Variants in XKR4 observed in about 807,000 individuals in gnomAD.
XKR4 encodes XK-related protein 4.
In XKR4, 12 loss-of-function variants were observed where a neutral mutation model predicts 53.9. The ratio of observed to expected loss-of-function variants is 0.22; its 90% confidence interval spans 0.14 to 0.36. The LOEUF is 0.36. Among genes scored for constraint, XKR4 ranks in the 10% least tolerant of loss-of-function variants. The pLI, the probability that XKR4 is intolerant of heterozygous loss-of-function variation, is 1.00. For missense variants in XKR4, 799 were observed against 859.5 expected, an observed-to-expected ratio of 0.93 and a Z score of 0.88; for synonymous variants, 354 against 362.4, an observed-to-expected ratio of 0.98 and a Z score of 0.26.
At chr8:55,142,090 G>T (rs778425384) in intron 1 of XKR4, 16 of 455,952 alleles carry the variant, frequency 3.5e-5, no homozygotes, top group African/African-American at 2.8e-4. Context: ...TTTCTGGGCT[G>T]CTGGGGAGTC....
chr8:55,293,464 AGTT>A (rs2129375752), intron 1 of XKR4, among the ~76,000 whole-genome samples: 1 of 152,350 alleles, frequency 6.6e-6, no homozygotes, highest in Non-Finnish European at 1.5e-5. Context: ...TAGTGTAAGA[AGTT>A]CTTTTTTGAA....
At chr8:55,376,854 T>C (rs1258913029) in intron 2 of XKR4, among the ~76,000 whole-genome samples, 2 of 151,672 alleles carry the variant, frequency 1.3e-5, no homozygotes, top group East Asian at 3.9e-4. Context: ...TTATATTTCT[T>C]TCTATTTTCT....
chr8:55,240,601 G>A lies in XKR4; in HGVS notation c.807-117077G>A, dbSNP rs987002338. ...TCATTATCCTACAGAGGACAATACG[G>A]AAAATAAACCTTATTTTCCCCACAA... On this transcript the variant is annotated intron_variant, in intron 1 of 2. Transcript: ENST00000327381. 2.0e-5 allele frequency among the ~76,000 whole-genome samples: 3 copies of A among 152,034 alleles called. No homozygotes were observed. In the East Asian group the frequency reaches 5.8e-4, roughly 29 times the overall value.
chr8:55,342,182 T>C (rs1803559405), intron 1 of XKR4, among the ~76,000 whole-genome samples: 2 of 152,068 alleles, frequency 1.3e-5, no homozygotes, highest in Admixed American at 1.3e-4. Context: ...GAGTCAGCAT[T>C]GCCTCCTCTT....
intron 2 of XKR4, among the ~76,000 whole-genome samples, chr8:55,476,214 C>T (rs1013238744): frequency 6.6e-6 from 1 of 151,940 alleles, no homozygotes; most frequent in East Asian, 1.9e-4. Flanking sequence ...AACATGAGGC[C>T]CACTGCCTAA....
At chr8:55,123,833 G>A (rs6980976) in intron 1 of XKR4, among the ~76,000 whole-genome samples, 9,414 of 152,208 alleles carry the variant, frequency 0.062, 628 homozygotes, top group African/African-American at 0.17. Flanking sequence ...TAAGGACTGA[G>A]AGCAAACAAG....
chr8:55,280,057 G>A (rs561380434), intron 1 of XKR4, among the ~76,000 whole-genome samples: 1 of 152,250 alleles, frequency 6.6e-6, no homozygotes. Flanking sequence ...TAATGTGTTT[G>A]TGTTTCATTC....
chr8:55,290,012 G>GT (rs1448809323), intron 1 of XKR4, among the ~76,000 whole-genome samples: 1 of 151,632 alleles, frequency 6.6e-6, no homozygotes, highest in Admixed American at 6.6e-5. Flanking sequence ...CATTGTCATT[G>GT]TTTTTTAATT....
intron 2 of XKR4, among the ~76,000 whole-genome samples, chr8:55,458,200 A>G (rs1805598906): frequency 6.6e-6 from 1 of 152,258 alleles, no homozygotes; most frequent in South Asian, 2.1e-4. Context: ...AGAAATACAA[A>G]TTTGGTAAAT....
intron 1 of XKR4, among the ~76,000 whole-genome samples, chr8:55,123,694 C>T (rs1050764421): frequency 2.6e-5 from 4 of 152,206 alleles, no homozygotes; most frequent in African/African-American, 7.2e-5. Context: ...CAGAAGCAGC[C>T]TCGGACACGT....
At chr8:55,217,789 C>G (rs1052977872) in intron 1 of XKR4, among the ~76,000 whole-genome samples, 2 of 134,734 alleles carry the variant, frequency 1.5e-5, no homozygotes, top group African/African-American at 2.6e-5. Context: ...TAGATAGATA[C>G]ACACAGATAA....
chr8:55,374,627 C>A (rs937760346), intron 2 of XKR4, among the ~76,000 whole-genome samples: 1 of 152,144 alleles, frequency 6.6e-6, no homozygotes, highest in African/African-American at 2.4e-5. Flanking sequence ...TATTCCTTAA[C>A]AGTCCTGCAA....
intron 1 of XKR4, among the ~76,000 whole-genome samples, chr8:55,198,739 G>C (rs893058678): frequency 1.6e-4 from 24 of 152,088 alleles, no homozygotes; most frequent in Non-Finnish European, 3.1e-4. Flanking sequence ...ATTACAATGT[G>C]AATGGCATTC....
chr8:55,195,732 TTTAAA>T (rs1817496838), intron 1 of XKR4, among the ~76,000 whole-genome samples: 1 of 152,246 alleles, frequency 6.6e-6, no homozygotes, highest in South Asian at 2.1e-4. Context: ...AGGTTTCTAC[TTTAAA>T]TATCAGAGGA....
At chr8:55,181,241 T>C (rs1056035557) in intron 1 of XKR4, among the ~76,000 whole-genome samples, 1 of 152,222 alleles carries the variant, frequency 6.6e-6, no homozygotes, top group African/African-American at 2.4e-5. Context: ...ATTAATTGGT[T>C]GGGTCTAATA....
chr8:55,169,648 A>G (rs554541965), intron 1 of XKR4, among the ~76,000 whole-genome samples: 1 of 152,348 alleles, frequency 6.6e-6, no homozygotes, highest in Admixed American at 6.5e-5. Flanking sequence ...TCAGAAACAC[A>G]GTAGTGTGCA....
intron 1 of XKR4, among the ~76,000 whole-genome samples, chr8:55,334,241 C>CAGAAGT (rs1303317430): frequency 3.9e-5 from 6 of 152,160 alleles, no homozygotes; most frequent in African/African-American, 1.4e-4. Flanking sequence ...CATAGAAGAA[C>CAGAAGT]AGAAGTGTCT....
chr8:55,193,659 T>G (rs755866481), intron 1 of XKR4, among the ~76,000 whole-genome samples: 7 of 152,226 alleles, frequency 4.6e-5, no homozygotes, highest in Non-Finnish European at 1.0e-4. Flanking sequence ...TCTGCAGAAA[T>G]GAGAGTCCCC....
At chr8:55,360,771 T>C (rs1295578719) in intron 2 of XKR4, among the ~76,000 whole-genome samples, 1 of 152,200 alleles carries the variant, frequency 6.6e-6, no homozygotes, top group Non-Finnish European at 1.5e-5. Flanking sequence ...ACAAGAAATA[T>C]GACATTTTAT....
Sources: gnomAD v4.1 joint callset for allele counts (sites outside exome capture counted in the v4.1 genomes callset) on GRCh38, gnomAD v4.1.1 for gene constraint, MANE v1.5 for transcripts, NCBI Gene and HGNC (gene_info 2026-07-23, HGNC 2026-07-21) for gene names.